MBTD1: variants seen among roughly 807,000 people sequenced by gnomAD.
MBTD1 encodes the protein mbt domain containing 1, also known as MBT domain-containing protein 1.
Under a neutral mutation model 87.8 loss-of-function variants are expected in MBTD1, and 24 were observed. That is an observed-to-expected ratio of 0.27 (90% confidence interval 0.20 to 0.38). The LOEUF is 0.38. Among genes scored for constraint, MBTD1 ranks in the 10% least tolerant of loss-of-function variants. The pLI is 1.00. For missense variants in MBTD1, 436 were observed against 760.2 expected, an observed-to-expected ratio of 0.57 and a Z score of 5.02; for synonymous variants, 237 against 248.6, an observed-to-expected ratio of 0.95 and a Z score of 0.44.
chr17:51,192,928 G>A lies in MBTD1; in HGVS notation c.1544C>T (p.Thr515Ile). Residue 515 changes from threonine to isoleucine, a missense_variant, in exon 15 of 17, where the codon ACT becomes ATT. Coordinates refer to ENST00000586178, the MANE Select transcript of MBTD1 (RefSeq NM_017643.3). ...EPRLICVATV[T>I]RIIHRLLRIH... ...CCTCAAGAGACGATGAATAATTCGAGTTACTGTGGCTACACATATTAAACG... is the reference window on the plus strand; with the variant it reads ...CCTCAAGAGACGATGAATAATTCGAATTACTGTGGCTACACATATTAAACG... The A allele has an allele frequency of 6.2e-7, 1 of 1,614,124 alleles. No homozygotes were observed. The highest frequency in any genetic ancestry group is 8.5e-7 in the Non-Finnish European group (1 of 1,180,004).
At chr17:51,224,639 C>T (rs1037780185) in intron 3 of MBTD1, among the ~76,000 whole-genome samples, 1 of 152,114 alleles carries the variant, frequency 6.6e-6, no homozygotes, top group African/African-American at 2.4e-5. Context: ...TATGTTAAAA[C>T]GGAAATTATA....
rs764598776 is a variant in MBTD1 at position 51,225,192 on chromosome 17, T to G, written c.-31A>C. 2.0e-6 allele frequency: 3 copies of G among 1,518,598 alleles called. No individual in the cohort carries two copies. The South Asian group carries it at 3.8e-5, about 19-fold the overall frequency. 94.1% of individuals were successfully genotyped at this position (1,518,598 alleles called of 1,614,324 possible). On this transcript the variant is annotated 5_prime_UTR_variant, in exon 3 of 17. Coordinates refer to ENST00000586178, the MANE Select transcript of MBTD1 (RefSeq NM_017643.3). ...AAGAATCTCTTCTTTTCCTTTCAGA[T>G]CGTGAAGAATGTTCAGTCTTTGAAG...
chr17:51,192,623 T>C (rs536156606), intron 15 of MBTD1, 159 bp downstream of exon 15: 3 of 1,305,078 alleles, frequency 2.3e-6, no homozygotes, highest in East Asian at 2.4e-5. Context: ...CATGGTCTGA[T>C]TCTGTGATAT....
Position 51,178,296 on chromosome 17 carries a change from G to GAA in MBTD1, c.*2278_*2279dup, listed in dbSNP as rs1341020289. ...GGCTTTAGGTTGTGTTCAGACTGTA[G>GAA]AAAAGTCCTTACCAACCTTCAACTG... On this transcript the variant is annotated 3_prime_UTR_variant, in exon 17 of 17. Coordinates refer to ENST00000586178, the MANE Select transcript of MBTD1 (RefSeq NM_017643.3). 6.6e-6 allele frequency: 1 copy of GAA among 152,194 alleles called. No homozygotes were observed. Among genetic ancestry groups the GAA allele is most frequent in the Non-Finnish European group, 1.5e-5 (1 of 68,038 alleles). The allele number at this position is 152,194 out of a possible 1,614,324, so 9.4% of individuals were successfully genotyped here. A position where few individuals can be genotyped will look rare whatever the true frequency, so the allele number is the denominator to read the frequency against.
chr17:51,208,377 A>G (rs749233436), intron 6 of MBTD1, among the ~76,000 whole-genome samples: 4 of 152,222 alleles, frequency 2.6e-5, no homozygotes, highest in Non-Finnish European at 5.9e-5. Context: ...GCAAAAAATA[A>G]TATATTCATT....
At chr17:51,225,710 G>A (rs1419422177) in intron 2 of MBTD1, among the ~76,000 whole-genome samples, 1 of 151,958 alleles carries the variant, frequency 6.6e-6, no homozygotes. Context: ...GCGTGAGCCA[G>A]TGTGCCTCGC....
intron 6 of MBTD1, 119 bp from the exon 7 acceptor site, chr17:51,207,124 C>T (rs2051888881): frequency 1.8e-6 from 1 of 541,138 alleles, no homozygotes; most frequent in South Asian, 3.2e-5. Context: ...CATTTTAATT[C>T]CGTTTGTTTC....
upstream of MBTD1, chr17:51,260,748 G>GCGCGGCGGCCGCTGCGATTGCAGT: frequency 1.0e-5 from 16 of 1,584,344 alleles, no homozygotes; most frequent in South Asian, 2.3e-5. Context: ...GCCCGGCCGA[G>GCGCGGCGGCCGCTGCGATTGCAGT]CGCGGCGGCC....
At position 51,188,470 on chromosome 17, in the gene MBTD1, G is replaced by A. The variant is rs576516882; in HGVS notation, c.1768+3733C>T. Among the ~76,000 whole-genome samples, 20 of 152,320 alleles carry A rather than the reference G, an allele frequency of 1.3e-4. No individual in the cohort carries two copies. In the South Asian group the frequency reaches 3.9e-3, roughly 30 times the overall value. On this transcript the variant is annotated intron_variant, in intron 16 of 16. Transcript: ENST00000586178. The stretch of plus-strand genomic sequence containing the variant: ...TTAAGTTCAAAAAGACCAACGAGCT[G>A]TAAGATGAAGCAACAGAGCCAGAAT...
upstream of MBTD1, chr17:51,260,639 C>T (rs758450696): frequency 6.2e-7 from 1 of 1,612,572 alleles, no homozygotes; most frequent in Non-Finnish European, 8.5e-7. Flanking sequence ...CGGAGCGAAG[C>T]CGAAGCGGAA....
At chr17:51,204,926 T>C (rs2051729770) in intron 7 of MBTD1, among the ~76,000 whole-genome samples, 1 of 152,168 alleles carries the variant, frequency 6.6e-6, no homozygotes, top group South Asian at 2.1e-4. Flanking sequence ...AAATAAGATT[T>C]GAATATGCCA....
intron 7 of MBTD1, among the ~76,000 whole-genome samples, chr17:51,204,179 C>A (rs1344427414): frequency 6.6e-6 from 1 of 152,132 alleles, no homozygotes; most frequent in African/African-American, 2.4e-5. Flanking sequence ...ACTTTGAGAA[C>A]CATCTGTTCA....
At chr17:51,260,414 T>G (rs1478346123), upstream of MBTD1, 10 of 697,528 alleles carry the variant, frequency 1.4e-5, no homozygotes, top group Non-Finnish European at 9.3e-6. Context: ...GGGGCGGGGC[T>G]GGGTAGGGGA....
chr17:51,202,361 T>C (rs2051541259), intron 10 of MBTD1, among the ~76,000 whole-genome samples: 1 of 152,240 alleles, frequency 6.6e-6, no homozygotes, highest in Non-Finnish European at 1.5e-5. Flanking sequence ...ATGTGCTTAG[T>C]ATTAAGTCTA....
chr17:51,259,584 A>G (rs1464123590), intron 1 of MBTD1, among the ~76,000 whole-genome samples: 1 of 151,280 alleles, frequency 6.6e-6, no homozygotes, highest in Non-Finnish European at 1.5e-5. Flanking sequence ...TTTCTTCTCG[A>G]ATTTTTCTTC....
At chr17:51,246,747 C>A (rs1038026267) in intron 2 of MBTD1, among the ~76,000 whole-genome samples, 10 of 152,240 alleles carry the variant, frequency 6.6e-5, no homozygotes, top group Admixed American at 6.5e-4. Context: ...GCAATTCTCC[C>A]ACCTTAGCCT....
chr17:51,199,811 TTTTCC>T (rs907716518), intron 12 of MBTD1, among the ~76,000 whole-genome samples: 7 of 150,434 alleles, frequency 4.7e-5, no homozygotes, highest in Admixed American at 6.6e-5. Context: ...ATCATAATTG[TTTTCC>T]TTTTTCTTTT....
In MBTD1 at chr17:51,192,963, G is replaced by A; in HGVS notation, c.1509C>T (p.Leu503=). Residue 503 remains leucine (L), a synonymous_variant, in exon 15 of 17, where the codon CTC becomes CTT. Transcript: ENST00000586178. The stretch of plus-strand genomic sequence containing the variant: ...CTACACATATTAAACGTGGCTCCAT[G>A]AGATCTACTGCTTCTAATTTCATTC... ...RVGMKLEAVD[L]MEPRLICVAT... 4.3e-6 allele frequency: 7 copies of A among 1,614,060 alleles called. No homozygotes were observed. Among genetic ancestry groups the A allele is most frequent in the Non-Finnish European group, 5.9e-6 (7 of 1,179,998 alleles).
Position 51,240,143 on chromosome 17 carries a change from G to C in MBTD1, c.-48-14934C>G, listed in dbSNP as rs554977390. On this transcript the variant is annotated intron_variant, in intron 2 of 16. Transcript: ENST00000586178. ...TTCTCAAAAGTCTTTTTTTCTTAAA[G>C]ACTTTATTTTTTGAGAAGTAATAAA... Among the ~76,000 whole-genome samples, 3 of 151,974 alleles carry C rather than the reference G, an allele frequency of 2.0e-5. No homozygotes were observed. In the East Asian group the frequency reaches 5.8e-4, roughly 29 times the overall value.
Sources: gnomAD v4.1 joint callset for allele counts (sites outside exome capture counted in the v4.1 genomes callset) on GRCh38, gnomAD v4.1.1 for gene constraint, MANE v1.5 for transcripts, NCBI Gene and HGNC (gene_info 2026-07-23, HGNC 2026-07-21) for gene names.